Variants in CNTN5 observed in about 807,000 individuals in gnomAD.
CNTN5 encodes the protein contactin 5, also known as contactin-5.
In CNTN5, 77 loss-of-function variants were observed where a neutral mutation model predicts 129.1. The ratio of observed to expected loss-of-function variants is 0.60; its 90% CI spans 0.50 to 0.72. CNTN5 has a LOEUF of 0.72. Ranked by LOEUF, CNTN5 falls within the 30% of genes least tolerant of loss-of-function variation. The pLI, the probability that CNTN5 is intolerant of heterozygous loss-of-function variation, is 0.00. For missense variants in CNTN5, 1,478 were observed against 1,328.8 expected, an observed-to-expected ratio of 1.11 and a Z score of -1.75; for synonymous variants, 509 against 465.6, an observed-to-expected ratio of 1.09 and a Z score of -1.20.
intron 2 of CNTN5, among the ~76,000 whole-genome samples, chr11:99,551,644 C>T (rs922151235): frequency 6.6e-6 from 1 of 152,156 alleles, no homozygotes; most frequent in African/African-American, 2.4e-5. Context: ...TTTATTTACA[C>T]AAACCTATAT....
At chr11:100,308,530 G>A in intron 21 of CNTN5, 62 bp downstream of exon 21, 1 of 1,521,458 alleles carries the variant, frequency 6.6e-7, no homozygotes. Context: ...TTCTCCTAAA[G>A]AGAGGTTTTG....
intron 1 of CNTN5, among the ~76,000 whole-genome samples, chr11:99,318,321 G>A (rs182216826): frequency 1.2e-4 from 18 of 152,260 alleles, no homozygotes; most frequent in Admixed American, 3.3e-4. Flanking sequence ...ATTTTATGCA[G>A]CTAATTAATG....
intron 1 of CNTN5, among the ~76,000 whole-genome samples, chr11:99,030,780 C>CTTTTTTTTTTTTTTTTTT (rs71305325): frequency 8.3e-6 from 1 of 120,246 alleles, no homozygotes; most frequent in Admixed American, 9.9e-5. Flanking sequence ...TGCTAACTCT[C>CTTTTTTTTTTTTTTTTTT]TTTTTTTTTT....
chr11:99,214,408 T>C (rs893343580), intron 1 of CNTN5, among the ~76,000 whole-genome samples: 1 of 148,510 alleles, frequency 6.7e-6, no homozygotes, highest in Non-Finnish European at 1.5e-5. Context: ...TAAATATATA[T>C]ATATATAATG....
chr11:99,883,302 G>A (rs1025176193), intron 6 of CNTN5, among the ~76,000 whole-genome samples: 9 of 152,212 alleles, frequency 5.9e-5, no homozygotes, highest in South Asian at 2.1e-4. Context: ...ACTGTTCTCC[G>A]TAGTGGCTGT....
intron 3 of CNTN5, among the ~76,000 whole-genome samples, chr11:99,615,569 C>T (rs997349423): frequency 1.3e-5 from 2 of 151,898 alleles, no homozygotes; most frequent in African/African-American, 4.8e-5. Flanking sequence ...TCTTTTGGGG[C>T]TTTTTGTTTT....
Position 100,279,645 on chromosome 11 carries a change from G to A in CNTN5, c.2314+8404G>A, listed in dbSNP as rs189662290. On this transcript the variant is annotated intron_variant, in intron 18 of 24. Coordinates refer to ENST00000524871, the MANE Select transcript of CNTN5 (RefSeq NM_014361.4). The stretch of plus-strand genomic sequence containing the variant: ...TAATGATCCTTTGAATTTCTGCAGT[G>A]TGAGATGTAATGTCTCCTTTTTATG... 4.7e-3 allele frequency among the ~76,000 whole-genome samples: 707 copies of A among 151,846 alleles called. 9 individuals carry two copies. Among genetic ancestry groups the A allele is most frequent in the African/African-American group, 0.016 (664 of 41,494 alleles).
At chr11:99,587,717 A>T (rs1050229964) in intron 3 of CNTN5, among the ~76,000 whole-genome samples, 1 of 151,370 alleles carries the variant, frequency 6.6e-6, no homozygotes. Flanking sequence ...GAATTTTTTT[A>T]AAAGTAATGA....
rs1361643296 is a variant in CNTN5 at position 99,061,042 on chromosome 11, GA to G, written c.-210+39773del. ...GTTGTAACTTCACCACAATTTCTGA[GA>G]TTTTTTTTTCTTTAAGTAGCATTGT... On this transcript the variant is annotated intron_variant, in intron 1 of 24. Transcript: ENST00000524871. Among the ~76,000 whole-genome samples, 10 of 152,068 alleles carry G rather than the reference GA, an allele frequency of 6.6e-5. No homozygotes were observed. In the East Asian group the frequency reaches 1.9e-3, roughly 30 times the overall value.
chr11:99,110,388 C>T (rs1384722242), intron 1 of CNTN5, among the ~76,000 whole-genome samples: 1 of 151,958 alleles, frequency 6.6e-6, no homozygotes, highest in African/African-American at 2.4e-5. Flanking sequence ...TTTTTCAAAG[C>T]ATATTATATG....
chr11:100,109,421 A>G (rs972077794), intron 13 of CNTN5, among the ~76,000 whole-genome samples: 1 of 152,200 alleles, frequency 6.6e-6, no homozygotes, highest in Non-Finnish European at 1.5e-5. Flanking sequence ...GCAAGACTTC[A>G]TCTAAAACAA....
intron 3 of CNTN5, among the ~76,000 whole-genome samples, chr11:99,617,177 T>C (rs920691808): frequency 6.6e-6 from 1 of 152,002 alleles, no homozygotes; most frequent in Non-Finnish European, 1.5e-5. Flanking sequence ...AACTCAAAGA[T>C]TGAGAGAGAA....
chr11:99,370,532 G>A (rs553681325), intron 2 of CNTN5, among the ~76,000 whole-genome samples: 2 of 152,222 alleles, frequency 1.3e-5, no homozygotes, highest in Non-Finnish European at 2.9e-5. Flanking sequence ...TCAAGTGTTC[G>A]TGCTATATTA....
At chr11:99,481,275 A>C (rs976405134) in intron 2 of CNTN5, among the ~76,000 whole-genome samples, 2 of 152,190 alleles carry the variant, frequency 1.3e-5, no homozygotes, top group African/African-American at 4.8e-5. Flanking sequence ...TATCTACATC[A>C]TATCATGCTA....
chr11:100,041,213 C>T (rs554965000), intron 9 of CNTN5, among the ~76,000 whole-genome samples: 81 of 152,228 alleles, frequency 5.3e-4, no homozygotes, highest in Non-Finnish European at 9.6e-4. Flanking sequence ...TTTTATCTCT[C>T]TTCCTTGTCT....
chr11:99,651,715 CACTT>C (rs1236796889), intron 3 of CNTN5, among the ~76,000 whole-genome samples: 3 of 151,854 alleles, frequency 2.0e-5, no homozygotes, highest in Admixed American at 1.3e-4. Context: ...CTTTTATCAG[CACTT>C]ACTTTTTAAC....
intron 8 of CNTN5, among the ~76,000 whole-genome samples, chr11:99,997,478 A>C (rs188710608): frequency 6.6e-6 from 1 of 152,216 alleles, no homozygotes; most frequent in Non-Finnish European, 1.5e-5. Flanking sequence ...CTCTGAATAG[A>C]CCAACAACAG....
chr11:99,358,328 T>C (rs2136101718), intron 2 of CNTN5, among the ~76,000 whole-genome samples: 1 of 141,156 alleles, frequency 7.1e-6, no homozygotes, highest in Admixed American at 7.5e-5. Context: ...TCTCCTGACC[T>C]CGTGATCCGC....
chr11:99,608,864 T>C (rs548359005), intron 3 of CNTN5, among the ~76,000 whole-genome samples: 3 of 152,320 alleles, frequency 2.0e-5, no homozygotes, highest in Non-Finnish European at 4.4e-5. Context: ...TCAATAGTTA[T>C]GAATGTTCAT....
Sources: gnomAD v4.1 joint callset for allele counts (sites outside exome capture counted in the v4.1 genomes callset) on GRCh38, gnomAD v4.1.1 for gene constraint, MANE v1.5 for transcripts, NCBI Gene and HGNC (gene_info 2026-07-23, HGNC 2026-07-21) for gene names.